Variants in MYRFL observed in about 807,000 individuals in gnomAD.
MYRFL encodes myelin regulatory factor like, also known as myelin regulatory factor-like protein.
MYRFL carries 88 observed loss-of-function variants against 109.4 expected under a neutral mutation model. That is an observed-to-expected ratio of 0.80 (90% CI 0.68 to 0.96). MYRFL has a LOEUF of 0.96. Ranked by LOEUF, MYRFL falls within the 40% of genes least tolerant of loss-of-function variation. The pLI is 0.00. For synonymous variants in MYRFL, 324 were observed against 320.9 expected, an observed-to-expected ratio of 1.01 and a Z score of -0.10; for missense variants, 957 against 954.9, an observed-to-expected ratio of 1.00 and a Z score of -0.03.
chr12:69,825,321 A>G lies in MYRFL; in HGVS notation c.-197A>G. On this transcript the variant is annotated 5_prime_UTR_variant, in exon 1 of 25. Coordinates refer to ENST00000552032, the MANE Select transcript of MYRFL (RefSeq NM_182530.3). ...TAAATGTATGGTTGTATATCCTTCC[A>G]GTTTTATAATCACATTTGAAAACTC... 1.4e-6 allele frequency: 1 copy of G among 695,630 alleles called. No individual in the cohort carries two copies. 43.1% of individuals were successfully genotyped at this position (695,630 alleles called of 1,614,324 possible).
intron 2 of MYRFL, among the ~76,000 whole-genome samples, chr12:69,878,641 T>C (rs369569997): frequency 6.6e-6 from 1 of 152,178 alleles, no homozygotes; most frequent in Non-Finnish European, 1.5e-5. Flanking sequence ...TTAAACTTTA[T>C]TGGGCACTCA....
intron 1 of MYRFL, among the ~76,000 whole-genome samples, chr12:69,834,329 TCG>T (rs1256550527): frequency 6.6e-6 from 1 of 152,220 alleles, no homozygotes; most frequent in African/African-American, 2.4e-5. Context: ...AGTGTCATTC[TCG>T]TAGGGTTAAA....
intron 19 of MYRFL, among the ~76,000 whole-genome samples, chr12:69,945,716 G>A (rs908077276): frequency 2.0e-5 from 3 of 152,058 alleles, no homozygotes; most frequent in Non-Finnish European, 4.4e-5. Flanking sequence ...GGCTGGGCGC[G>A]GTGGCTCACG....
chr12:69,860,487 C>T (rs370636088), intron 2 of MYRFL, among the ~76,000 whole-genome samples: 19 of 151,998 alleles, frequency 1.3e-4, no homozygotes, highest in East Asian at 5.8e-4. Flanking sequence ...TTTTATTCAG[C>T]GTATCATTGG....
intron 2 of MYRFL, among the ~76,000 whole-genome samples, chr12:69,863,353 G>A (rs1884813768): frequency 6.6e-6 from 1 of 152,170 alleles, no homozygotes; most frequent in South Asian, 2.1e-4. Context: ...ACCTCTGGTA[G>A]AATTCGGCTG....
At chr12:69,855,720 C>G (rs1884235259) in intron 2 of MYRFL, among the ~76,000 whole-genome samples, 1 of 151,188 alleles carries the variant, frequency 6.6e-6, no homozygotes. Flanking sequence ...TTCACTTATA[C>G]TTTTAATGTC....
chr12:69,905,129 A>G (rs536264290), intron 11 of MYRFL, among the ~76,000 whole-genome samples: 1 of 152,306 alleles, frequency 6.6e-6, no homozygotes, highest in East Asian at 1.9e-4. Flanking sequence ...TTAGAGAGAG[A>G]TCATCTGTCT....
intron 1 of MYRFL, among the ~76,000 whole-genome samples, chr12:69,836,464 G>GA (rs1285088095): frequency 6.6e-6 from 1 of 152,180 alleles, no homozygotes; most frequent in African/African-American, 2.4e-5. Flanking sequence ...GGAAGAGGCA[G>GA]AAATGACACA....
At chr12:69,947,459 G>A (rs143715359) in intron 19 of MYRFL, among the ~76,000 whole-genome samples, 78 of 152,222 alleles carry the variant, frequency 5.1e-4, no homozygotes, top group East Asian at 3.3e-3. Flanking sequence ...AAAAAGTTTG[G>A]GTAAGGCTAA....
At chr12:69,920,214 C>T (rs1281470136) in intron 13 of MYRFL, among the ~76,000 whole-genome samples, 2 of 152,106 alleles carry the variant, frequency 1.3e-5, no homozygotes, top group African/African-American at 2.4e-5. Context: ...TAGATATCAT[C>T]GAATCACCAG....
At chr12:69,854,571 A>G (rs1295266068) in intron 1 of MYRFL, among the ~76,000 whole-genome samples, 2 of 152,062 alleles carry the variant, frequency 1.3e-5, no homozygotes, top group African/African-American at 2.4e-5. Context: ...TTCTTAGTAG[A>G]GACAGGGTTT....
intron 10 of MYRFL, among the ~76,000 whole-genome samples, chr12:69,901,903 A>ATTTTTTTTTTTTTT (rs1203678206): frequency 8.2e-4 from 113 of 137,552 alleles, no homozygotes; most frequent in Middle Eastern, 3.8e-3. Context: ...GTTTTTTTTA[A>ATTTTTTTTTTTTTT]ATTTTCTTGA....
chr12:69,844,447 A>G (rs1883415556), intron 1 of MYRFL, among the ~76,000 whole-genome samples: 2 of 152,200 alleles, frequency 1.3e-5, no homozygotes, highest in African/African-American at 2.4e-5. Flanking sequence ...GGACACCAGC[A>G]GGGGCTTCAG....
At chr12:69,917,045 C>G (rs1389385197) in intron 13 of MYRFL, among the ~76,000 whole-genome samples, 2 of 152,098 alleles carry the variant, frequency 1.3e-5, no homozygotes, top group Non-Finnish European at 2.9e-5. Context: ...TCAAACCTGC[C>G]AAGTATGTTT....
intron 2 of MYRFL, among the ~76,000 whole-genome samples, chr12:69,872,348 G>A (rs1434655173): frequency 6.6e-6 from 1 of 152,080 alleles, no homozygotes; most frequent in Admixed American, 6.5e-5. Flanking sequence ...CTTAGGGACA[G>A]GGTCTCACTT....
intron 14 of MYRFL, among the ~76,000 whole-genome samples, chr12:69,926,961 T>TTTA (rs1955114039): frequency 1.0e-5 from 1 of 97,164 alleles, no homozygotes; most frequent in Non-Finnish European, 1.9e-5. Context: ...TTTTTTTTTT[T>TTTA]GAGCCTGAGT....
intron 13 of MYRFL, among the ~76,000 whole-genome samples, chr12:69,921,416 G>A (rs1187969135): frequency 6.6e-6 from 1 of 152,038 alleles, no homozygotes; most frequent in Non-Finnish European, 1.5e-5. Context: ...CTGTGATATG[G>A]GTTCTTGGTT....
At chr12:69,874,679 A>G (rs1338958111) in intron 2 of MYRFL, among the ~76,000 whole-genome samples, 2 of 151,806 alleles carry the variant, frequency 1.3e-5, no homozygotes, top group Non-Finnish European at 2.9e-5. Context: ...AAATATCTTT[A>G]TTTTGCTTTC....
At chr12:69,855,975 T>C (rs1884257353) in intron 2 of MYRFL, among the ~76,000 whole-genome samples, 1 of 152,188 alleles carries the variant, frequency 6.6e-6, no homozygotes, top group Admixed American at 6.5e-5. Context: ...GAAGTTCAAA[T>C]TTTTGTATAA....
Sources: allele counts gnomAD v4.1 joint callset (sites outside exome capture counted in the v4.1 genomes callset), GRCh38; gene constraint gnomAD v4.1.1; transcripts MANE v1.5; gene names NCBI Gene and HGNC (gene_info 2026-07-23, HGNC 2026-07-21).